FSTL5: variants seen among roughly 807,000 people sequenced by gnomAD.
FSTL5 encodes follistatin like 5, also known as follistatin-related protein 5.
FSTL5 carries 62 observed loss-of-function variants against 89.1 expected under a neutral mutation model. The ratio of observed to expected loss-of-function variants is 0.70; its 90% CI spans 0.57 to 0.86. FSTL5 has a LOEUF of 0.86. Among genes scored for constraint, FSTL5 ranks in the 40% least tolerant of loss-of-function variants. The pLI, the probability that FSTL5 is intolerant of heterozygous loss-of-function variation, is 0.00. For missense variants in FSTL5, 1,057 were observed against 1,001.6 expected (o/e 1.06, Z -0.75); for synonymous variants, 383 against 346.2 (o/e 1.11, Z -1.18).
chr4:162,082,974 T>C (rs1175526449), intron 2 of FSTL5, among the ~76,000 whole-genome samples: 1 of 151,672 alleles, frequency 6.6e-6, no homozygotes, highest in East Asian at 1.9e-4. Flanking sequence ...ATTTGAATGG[T>C]AAGTTTGAAG....
At chr4:162,087,180 A>G (rs1472231378) in intron 2 of FSTL5, among the ~76,000 whole-genome samples, 1 of 152,072 alleles carries the variant, frequency 6.6e-6, no homozygotes, top group Non-Finnish European at 1.5e-5. Flanking sequence ...CCAAACTTTA[A>G]TTATTTTTGA....
chr4:161,446,444 T>C lies in FSTL5; in HGVS notation c.1841+8560A>G, dbSNP rs888058420. On this transcript the variant is annotated intron_variant, in intron 15 of 15. Coordinates refer to ENST00000306100, the MANE Select transcript of FSTL5 (RefSeq NM_020116.5). ...AAGTTATATACTCCTGTATTTGAAG[T>C]TTTATCATTTTAATAACAGTTGCAT... Among the ~76,000 whole-genome samples, 5 of 152,040 alleles carry C rather than the reference T, an allele frequency of 3.3e-5. No individual in the cohort carries two copies. In the East Asian group the frequency reaches 9.6e-4, roughly 29 times the overall value.
intron 7 of FSTL5, among the ~76,000 whole-genome samples, chr4:161,628,286 A>G (rs1481056655): frequency 6.6e-6 from 1 of 152,136 alleles, no homozygotes; most frequent in African/African-American, 2.4e-5. Flanking sequence ...TATAATCTCT[A>G]TATTTTTACT....
intron 12 of FSTL5, among the ~76,000 whole-genome samples, chr4:161,487,503 C>G (rs552173089): frequency 6.6e-6 from 1 of 152,090 alleles, no homozygotes; most frequent in Non-Finnish European, 1.5e-5. Flanking sequence ...GTAGACCTAT[C>G]TACTTTAACA....
chr4:162,011,606 G>A (rs1039630337), intron 3 of FSTL5, among the ~76,000 whole-genome samples: 1 of 151,890 alleles, frequency 6.6e-6, no homozygotes, highest in African/African-American at 2.4e-5. Flanking sequence ...TGACTCTCCT[G>A]CCTCAGTCTC....
intron 4 of FSTL5, among the ~76,000 whole-genome samples, chr4:161,902,721 C>T (rs1474252530): frequency 1.3e-5 from 2 of 151,820 alleles, no homozygotes; most frequent in African/African-American, 2.4e-5. Flanking sequence ...TGATGGTGGG[C>T]GCCTGTAATC....
At chr4:161,544,685 T>C (rs1731948010) in intron 8 of FSTL5, among the ~76,000 whole-genome samples, 1 of 151,860 alleles carries the variant, frequency 6.6e-6, no homozygotes, top group South Asian at 2.1e-4. Flanking sequence ...TGAAACACTC[T>C]AGACTAAAAA....
chr4:161,791,206 G>GAA (rs11311543), intron 4 of FSTL5, among the ~76,000 whole-genome samples: 1 of 148,606 alleles, frequency 6.7e-6, no homozygotes, highest in Admixed American at 6.7e-5. Context: ...CACCATAGAA[G>GAA]AAAAAAAAAA....
At chr4:161,907,737 C>A (rs553284891) in intron 4 of FSTL5, among the ~76,000 whole-genome samples, 3 of 152,202 alleles carry the variant, frequency 2.0e-5, no homozygotes, top group South Asian at 4.1e-4. Flanking sequence ...TTTTATGGAG[C>A]ACTGCCTACT....
intron 7 of FSTL5, among the ~76,000 whole-genome samples, chr4:161,646,776 A>T (rs1736168608): frequency 1.3e-5 from 2 of 152,186 alleles, no homozygotes; most frequent in South Asian, 4.1e-4. Context: ...GCCACTCCAC[A>T]TAACTTGCAG....
At chr4:161,632,974 A>T (rs578168979) in intron 7 of FSTL5, among the ~76,000 whole-genome samples, 1 of 152,242 alleles carries the variant, frequency 6.6e-6, no homozygotes, top group East Asian at 1.9e-4. Context: ...TTTTGTTCAC[A>T]AATCTCTAAG....
In FSTL5 at chr4:161,502,094, C is replaced by T. The variant is rs563136460; in HGVS notation, c.1340-1960G>A. ...TCTTTAACTTTGCCAAAATACTGTTCGAAAATTATGAATTTGAATGTGTTT... is the reference window on the plus strand; with the variant it reads ...TCTTTAACTTTGCCAAAATACTGTTTGAAAATTATGAATTTGAATGTGTTT... On this transcript the variant is annotated intron_variant, in intron 11 of 15. Transcript: ENST00000306100. Among the ~76,000 whole-genome samples, 29 of 152,022 alleles carry T rather than the reference C, an allele frequency of 1.9e-4. 1 individual carries two copies. In the South Asian group the frequency reaches 4.6e-3, roughly 24 times the overall value.
intron 3 of FSTL5, among the ~76,000 whole-genome samples, chr4:162,027,799 T>C (rs1039720212): frequency 6.6e-6 from 1 of 152,150 alleles, no homozygotes; most frequent in African/African-American, 2.4e-5. Context: ...TCATCTACTA[T>C]CAAGTTATGC....
At chr4:161,410,162 A>G (rs569478398) in intron 15 of FSTL5, among the ~76,000 whole-genome samples, 1 of 152,318 alleles carries the variant, frequency 6.6e-6, no homozygotes, top group Admixed American at 6.5e-5. Context: ...TAAAAGGTAC[A>G]ATCCACCAGG....
In FSTL5 at chr4:161,386,291, G is replaced by C; in HGVS notation, c.2000C>G (p.Pro667Arg). Residue 667 changes from proline to arginine, a missense_variant, in exon 16 of 16, where the codon CCT (proline) becomes CGT (arginine). Physicochemically the swap from Pro to Arg is moderately radical, Grantham distance 103. This residue lies in a region of FSTL5 where 980 missense variants were observed against 903.2 expected (regional missense o/e 1.08). Transcript: ENST00000306100. ...LGGYYFIGCK[P>R]DSTGAVSPQV... The stretch of plus-strand genomic sequence containing the variant: ...TGGGGAAACTGCTCCGGTGCTGTCA[G>C]GTTTGCAGCCAATGAAGTAGTAGCC... 6.2e-7 allele frequency: 1 copy of C among 1,613,988 alleles called. No individual in the cohort carries two copies. The highest frequency in any genetic ancestry group is 8.5e-7 in the Non-Finnish European group (1 of 1,179,954).
chr4:161,751,121 C>G (rs779034158), intron 6 of FSTL5, among the ~76,000 whole-genome samples: 2 of 151,820 alleles, frequency 1.3e-5, no homozygotes, highest in East Asian at 3.9e-4. Context: ...AAAAAAAGAA[C>G]CCTAAAGGCA....
chr4:162,079,655 A>G (rs2111330019), intron 2 of FSTL5, among the ~76,000 whole-genome samples: 1 of 151,546 alleles, frequency 6.6e-6, no homozygotes, highest in East Asian at 1.9e-4. Flanking sequence ...GATCAGAGCA[A>G]CTTCAAAGTA....
chr4:161,593,640 G>A (rs1733909798), intron 7 of FSTL5, among the ~76,000 whole-genome samples: 1 of 152,050 alleles, frequency 6.6e-6, no homozygotes, highest in Non-Finnish European at 1.5e-5. Context: ...CTGTCATACA[G>A]TTTAACTGAA....
chr4:161,929,673 G>GTGTT (rs1425671182), intron 3 of FSTL5, among the ~76,000 whole-genome samples: 1 of 110,120 alleles, frequency 9.1e-6, no homozygotes, highest in Non-Finnish European at 1.9e-5. Context: ...GTGTGTGTGT[G>GTGTT]TGTGTGTGTG....
Sources: allele counts gnomAD v4.1 joint callset (sites outside exome capture counted in the v4.1 genomes callset), GRCh38; gene constraint gnomAD v4.1.1; regional missense constraint gnomAD v4.1.1; transcripts MANE v1.5; gene names NCBI Gene and HGNC (gene_info 2026-07-23, HGNC 2026-07-21).